PDK2: variants seen among roughly 807,000 people sequenced by gnomAD.
The protein encoded by PDK2 is pyruvate dehydrogenase kinase, isozyme 2.
Under a neutral mutation model 50.4 loss-of-function variants are expected in PDK2, and 34 were observed. The ratio of observed to expected loss-of-function variants is 0.68; its 90% CI spans 0.51 to 0.90. PDK2 has a LOEUF of 0.90. Among genes scored for constraint, PDK2 ranks in the 40% least tolerant of loss-of-function variants. PDK2 has a pLI of 0.00. For synonymous variants in PDK2, 232 were observed against 216.0 expected (o/e 1.07, Z -0.65); for missense variants, 377 against 544.5 (o/e 0.69, Z 3.06).
chr17:50,107,136 A>G lies in PDK2; in HGVS notation c.668A>G (p.Glu223Gly), dbSNP rs1405690872. Residue 223 changes from glutamate to glycine, a missense_variant, in exon 6 of 11, where the codon GAG becomes GGG. Physicochemically the swap from Glu to Gly is moderately conservative, Grantham distance 98 (BLOSUM62 -2). Transcript: ENST00000503176. ...DKYYMASPDL[E>G]IQEINAANSK... ...TATTACATGGCCTCACCTGACCTGGAGATCCAGGAGATCAATGGTGAGTGA... is the reference window on the plus strand; with the variant it reads ...TATTACATGGCCTCACCTGACCTGGGGATCCAGGAGATCAATGGTGAGTGA... The G allele has an allele frequency of 3.1e-6, 5 of 1,613,820 alleles. No individual in the cohort carries two copies. In the African/African-American group the frequency reaches 6.7e-5, roughly 22 times the overall value.
chr17:50,096,452 A>C (rs1259376941), intron 1 of PDK2, among the ~76,000 whole-genome samples: 1 of 152,152 alleles, frequency 6.6e-6, no homozygotes, highest in East Asian at 1.9e-4. Flanking sequence ...TCAAGAGTTG[A>C]GTTGATAGTG....
chr17:50,105,260 G>T, intron 2 of PDK2, 111 bp from the exon 3 acceptor site: 1 of 627,324 alleles, frequency 1.6e-6, no homozygotes, highest in Non-Finnish European at 2.6e-6. Context: ...CGGCAGCTCT[G>T]TGTGGGGCCC....
chr17:50,096,802 G>A (rs949796534), intron 1 of PDK2, among the ~76,000 whole-genome samples: 1 of 152,192 alleles, frequency 6.6e-6, no homozygotes, highest in African/African-American at 2.4e-5. Context: ...GGAACCCAGG[G>A]CCCCTGACCC....
In PDK2 at chr17:50,107,810, A is replaced by G. The variant is rs1344532933; in HGVS notation, c.686-346A>G. 3.3e-5 allele frequency among the ~76,000 whole-genome samples: 5 copies of G among 152,210 alleles called. No individual in the cohort carries two copies. The East Asian group carries it at 9.7e-4, about 29-fold the overall frequency. ...GGAGGAGGGGCATGTTAGATGGTGT[A>G]TCAGCTTGGCTGCTTTCCTAGAACC... On this transcript the variant is annotated intron_variant, in intron 6 of 10. Transcript: ENST00000503176.
In PDK2 at chr17:50,112,004, C is replaced by G. The variant is rs2144385839; in HGVS notation, c.*1907C>G. ...TGGCTGGGGTGAGGGCTGACCAGGT[C>G]AGCAGCTCCTAGGCCTTGGCTGGTG... On this transcript the variant is annotated 3_prime_UTR_variant, in exon 11 of 11. Coordinates refer to ENST00000503176, the MANE Select transcript of PDK2 (RefSeq NM_002611.5). 1.3e-5 allele frequency: 2 copies of G among 152,494 alleles called. No homozygotes were observed. The highest frequency in any genetic ancestry group is 3.9e-4 in the East Asian group (2 of 5,182). The allele number at this position is 152,494 out of a possible 1,614,324, so 9.4% of individuals were successfully genotyped here.
intron 6 of PDK2, 113 bp from the exon 7 acceptor site, chr17:50,108,043 C>A (rs1910608633): frequency 1.3e-6 from 1 of 792,644 alleles, no homozygotes; most frequent in Non-Finnish European, 2.1e-6. Flanking sequence ...TAGTCTCTCG[C>A]TGGGCAGCCA....
chr17:50,109,393 A>T lies in PDK2; in HGVS notation c.1076A>T (p.Tyr359Phe), dbSNP rs199817074. The change falls in exon 10 of 11, where the codon TAT (tyrosine) becomes TTT (phenylalanine). Residue 359 changes from tyrosine to phenylalanine, a missense_variant. By Grantham distance (22) the Tyr-to-Phe change is conservative. Coordinates refer to ENST00000503176, the MANE Select transcript of PDK2 (RefSeq NM_002611.5). This position sits in a 1 kb window ranked among gnomAD's most constrained non-coding sequence, Gnocchi z 5.0. The part of the protein sequence containing the change: ...MEGFGTDAVI[Y>F]LKALSTDSVE... Reference sequence around the variant, plus strand: ...GGCTTTGGGACCGATGCTGTCATCTATCTCAAGGTGAGGGCCCTTCCCGCA... The same window carrying T: ...GGCTTTGGGACCGATGCTGTCATCTTTCTCAAGGTGAGGGCCCTTCCCGCA... The T allele has an allele frequency of 1.9e-6, 3 of 1,605,082 alleles. No homozygotes were observed. The highest frequency in any genetic ancestry group is 1.7e-6 in the Non-Finnish European group (2 of 1,173,046).
intron 2 of PDK2, among the ~76,000 whole-genome samples, chr17:50,100,379 G>A (rs1212262715): frequency 2.0e-5 from 3 of 152,206 alleles, no homozygotes; most frequent in Non-Finnish European, 4.4e-5. Flanking sequence ...GCCTCAGCAT[G>A]TGTGACTTTG....
In PDK2 at chr17:50,106,098, G is replaced by T. The variant is rs748980664; in HGVS notation, c.517+29G>T. On this transcript the variant is annotated intron_variant, in intron 4 of 10. Coordinates refer to ENST00000503176, the MANE Select transcript of PDK2 (RefSeq NM_002611.5). ...GGTGCCGGCCACAGCGGCGGGGAGCGGGCGGTGGGGGGGGCGGTGCTGGGG... is the reference window on the plus strand; with the variant it reads ...GGTGCCGGCCACAGCGGCGGGGAGCTGGCGGTGGGGGGGGCGGTGCTGGGG... 4 of 1,566,470 alleles carry T rather than the reference G, an allele frequency of 2.6e-6. No homozygotes were observed. In the South Asian group the frequency reaches 3.5e-5, roughly 14 times the overall value.
chr17:50,095,633 G>A, intron 1 of PDK2, 80 bp downstream of exon 1: 1 of 1,495,158 alleles, frequency 6.7e-7, no homozygotes, highest in Admixed American at 2.1e-5. Flanking sequence ...GGGGGACGGA[G>A]GAGAAGAAAG....
In PDK2 at chr17:50,110,188, G is replaced by A. The variant is rs892779878; in HGVS notation, c.*91G>A. On this transcript the variant is annotated 3_prime_UTR_variant, in exon 11 of 11. Transcript: ENST00000503176. ...CCTCACCATCCTCCTGGGGGAGCAG[G>A]GGGTGGGTTCTCCCTGATGACCAGG... 1.7e-5 allele frequency: 24 copies of A among 1,386,176 alleles called. No individual in the cohort carries two copies. The highest frequency in any genetic ancestry group is 2.2e-5 in the Non-Finnish European group (23 of 1,038,240). The allele number at this position is 1,386,176 out of a possible 1,614,324, so 85.9% of individuals were successfully genotyped here.
intron 6 of PDK2, among the ~76,000 whole-genome samples, 172 bp downstream of exon 6, chr17:50,107,325 A>C (rs938901083): frequency 3.3e-5 from 5 of 152,186 alleles, no homozygotes; most frequent in Non-Finnish European, 5.9e-5. Context: ...TCACACCTGT[A>C]ATCTCAGCAC....
chr17:50,106,483 T>G, intron 4 of PDK2: 1 of 480,114 alleles, frequency 2.1e-6, no homozygotes, highest in Non-Finnish European at 3.7e-6. Flanking sequence ...CAAAGCAAGG[T>G]GGTAAGAGTT....
At position 50,106,087 on chromosome 17, in the gene PDK2, C is replaced by CGGCGGGGA; in HGVS notation, c.517+20_517+27dup. 1 of 1,577,872 alleles carries CGGCGGGGA rather than the reference C, an allele frequency of 6.3e-7. No homozygotes were observed. The highest frequency in any genetic ancestry group is 2.3e-5 in the East Asian group (1 of 43,276). ...CCAGCACAGTGGGTGCCGGCCACAG[C>CGGCGGGGA]GGCGGGGAGCGGGCGGTGGGGGGGG... On this transcript the variant is annotated intron_variant, in intron 4 of 10. Coordinates refer to ENST00000503176, the MANE Select transcript of PDK2 (RefSeq NM_002611.5).
chr17:50,099,519 C>T (rs1431397381), intron 2 of PDK2, among the ~76,000 whole-genome samples: 3 of 152,374 alleles, frequency 2.0e-5, no homozygotes, highest in African/African-American at 4.8e-5. Flanking sequence ...TTAGGCCGGG[C>T]GCGGTGGCTC....
In PDK2 at chr17:50,095,442, T is replaced by A; in HGVS notation, c.7T>A (p.Trp3Arg). 1 of 1,600,774 alleles carries A rather than the reference T, an allele frequency of 6.2e-7. No homozygotes were observed. The highest frequency in any genetic ancestry group is 8.5e-7 in the Non-Finnish European group (1 of 1,173,874). The change falls in exon 1 of 11, where the codon TGG becomes AGG. Residue 3 changes from tryptophan (W) to arginine (R), a missense_variant. Trp to Arg is a moderately radical substitution (Grantham distance 101). This residue lies in a region of PDK2 where 100 missense variants were observed against 115.5 expected (regional missense o/e 0.87). Transcript: ENST00000503176. MRWVWALLKNASL... is the reference protein window; with the variant it reads MRRVWALLKNASL... ...AGTCGCGGCCGCCGCAGCCATGCGC[T>A]GGGTGTGGGCGCTGCTGAAGAATGC...
intron 1 of PDK2, chr17:50,095,937 C>A: frequency 1.9e-6 from 1 of 515,388 alleles, no homozygotes; most frequent in African/African-American, 2.1e-5. Context: ...CCAGAGGAAA[C>A]CGGGGGTCTG....
At position 50,108,667 on chromosome 17, in the gene PDK2, A is replaced by G; in HGVS notation, c.917A>G (p.Tyr306Cys). Residue 306 changes from tyrosine to cysteine, a missense_variant, in exon 9 of 11, where the codon TAC becomes TGC. By Grantham distance (194) the Tyr-to-Cys change is radical (BLOSUM62 -2). Around this residue, in one of 3 missense-constraint regions of PDK2, gnomAD observed 214 missense variants for 294.0 expected, o/e 0.73. Transcript: ENST00000503176. ...PLRKIERLFS[Y>C]MYSTAPTPQP... ...AGGAAGATTGAGCGACTCTTCAGCT[A>G]CATGTACTCCACAGCACCCACCCCC... The G allele has an allele frequency of 6.2e-7, 1 of 1,613,368 alleles. No homozygotes were observed.
chr17:50,098,209 C>A (rs147984802), intron 2 of PDK2, among the ~76,000 whole-genome samples: 348 of 152,346 alleles, frequency 2.3e-3, no homozygotes, highest in African/African-American at 7.8e-3. Flanking sequence ...ACAAGGGTGT[C>A]CCTTGTCACT....
Sources: allele counts gnomAD v4.1 joint callset (sites outside exome capture counted in the v4.1 genomes callset), GRCh38; gene constraint gnomAD v4.1.1; regional missense constraint gnomAD v4.1.1; non-coding constraint Gnocchi (gnomAD v3.1); transcripts MANE v1.5; gene names NCBI Gene and HGNC (gene_info 2026-07-23, HGNC 2026-07-21).